Variants in SLC22A23 observed in about 807,000 individuals in gnomAD.
The protein encoded by SLC22A23 is ion transporter protein.
Under a neutral mutation model 61.0 loss-of-function variants are expected in SLC22A23, and 26 were observed. The observed-to-expected ratio is 0.43, with a 90% confidence interval of 0.31 to 0.59. SLC22A23 has a LOEUF of 0.59. Ranked by LOEUF, SLC22A23 falls within the 20% of genes least tolerant of loss-of-function variation. The probability of loss-of-function intolerance (pLI) is 0.11; values close to 1 mark genes in which losing one functional copy is unlikely to be tolerated. For missense variants in SLC22A23, 796 were observed against 934.7 expected, an observed-to-expected ratio of 0.85 and a Z score of 1.94; for synonymous variants, 430 against 413.9, an observed-to-expected ratio of 1.04 and a Z score of -0.47.
At chr6:3,398,044 GA>G (rs1349383073) in intron 3 of SLC22A23, among the ~76,000 whole-genome samples, 1 of 152,210 alleles carries the variant, frequency 6.6e-6, no homozygotes, top group Admixed American at 6.5e-5. Context: ...ATTTACCAAA[GA>G]GGAGAAATCA....
intron 3 of SLC22A23, among the ~76,000 whole-genome samples, chr6:3,339,172 T>C (rs559243346): frequency 1.3e-5 from 2 of 152,330 alleles, no homozygotes; most frequent in South Asian, 4.1e-4. Flanking sequence ...CCAATCAGGA[T>C]TTCGTATCCT....
At position 3,324,104 on chromosome 6, in the gene SLC22A23, T is replaced by C. The variant is rs1219163061; in HGVS notation, c.914-102A>G. 3.5e-6 allele frequency: 5 copies of C among 1,420,080 alleles called. No homozygotes were observed. The Admixed American group carries it at 1.0e-4, about 29-fold the overall frequency. 88.0% of individuals were successfully genotyped at this position (1,420,080 alleles called of 1,614,324 possible). On this transcript the variant is annotated intron_variant, in intron 3 of 9. Transcript: ENST00000406686. This position sits in a 1 kb window ranked among gnomAD's most constrained non-coding sequence, Gnocchi z 4.3. ...GTGCACTGCTTAACCCACCAACGAC[T>C]GAAATTGTTTTCATCTGCTGCCCAC...
At chr6:3,331,061 A>C (rs894974193) in intron 3 of SLC22A23, among the ~76,000 whole-genome samples, 16 of 152,336 alleles carry the variant, frequency 1.1e-4, no homozygotes, top group African/African-American at 3.4e-4. Flanking sequence ...TAATCTGCAC[A>C]ATGACTGTAT....
Position 3,286,917 on chromosome 6 carries a change from C to A in SLC22A23, c.1488G>T (p.Leu496=), listed in dbSNP as rs1329594656. ...VVRFLGRRGG[L]LLFMILTALA... is the part of the protein sequence containing the mutation. ...GGGCGGTGAGGATCATGAAGAGCAG[C>A]AGCCCTCCCCTGCGCCCGAGGAATC... The change falls in exon 7 of 10, where the codon CTG becomes CTT. Residue 496 remains leucine, a synonymous_variant. Transcript: ENST00000406686. The surrounding 1 kb of genome is among the most constrained non-coding windows in gnomAD (Gnocchi z 4.2). 1 of 1,613,364 alleles carries A rather than the reference C, an allele frequency of 6.2e-7. No homozygotes were observed.
rs1197486690 is a variant in SLC22A23 at position 3,387,937 on chromosome 6, G to A, written c.913+22251C>T. 1.3e-5 allele frequency among the ~76,000 whole-genome samples: 2 copies of A among 152,190 alleles called. No homozygotes were observed. The highest frequency in any genetic ancestry group is 6.5e-5 in the Admixed American group (1 of 15,288). ...ACGGCATCTCCTTTCGGTGGAATTCGTGCTGTTCCTGCTGCCTGAAAGAGA... is the reference window on the plus strand; with the variant it reads ...ACGGCATCTCCTTTCGGTGGAATTCATGCTGTTCCTGCTGCCTGAAAGAGA... On this transcript the variant is annotated intron_variant, in intron 3 of 9. Transcript: ENST00000406686. The surrounding 1 kb of genome is among the most constrained non-coding windows in gnomAD (Gnocchi z 5.0).
At chr6:3,444,918 C>A in intron 1 of SLC22A23, 1 of 985,586 alleles carries the variant, frequency 1.0e-6, no homozygotes, top group South Asian at 4.7e-5. Context: ...AGCTCCTCCC[C>A]CCTCAAAGTG....
In SLC22A23 at chr6:3,273,090, C is replaced by T. The variant is rs1441240227; in HGVS notation, c.2026G>A (p.Glu676Lys). The T allele has an allele frequency of 8.8e-6, 14 of 1,588,400 alleles. No homozygotes were observed. In the Admixed American group the frequency reaches 1.4e-4, roughly 15 times the overall value. The change falls in exon 10 of 10, where the codon GAG (glutamate) becomes AAG (lysine). Residue 676 changes from glutamate (E) to lysine (K), a missense_variant. By Grantham distance (56) the Glu-to-Lys change is moderately conservative. Coordinates refer to ENST00000406686, the MANE Select transcript of SLC22A23 (RefSeq NM_015482.2). ...DAAAAGDTLP[E>K]GATANGMKAM ...TTCATGCCGTTGGCCGTGGCACCCT[C>T]GGGCAGTGTGTCACCCGCGGCTGCG...
chr6:3,377,414 A>C (rs1009422139), intron 3 of SLC22A23, among the ~76,000 whole-genome samples: 1 of 152,146 alleles, frequency 6.6e-6, no homozygotes, highest in Admixed American at 6.5e-5. Context: ...GATGAATGCT[A>C]AGAGAGCCCA....
Position 3,437,532 on chromosome 6 carries a change from A to T in SLC22A23, c.654+18374T>A, listed in dbSNP as rs182804534. ...CTCTACTAAAAACAAAAAAAAATTA[A>T]AAAAAAATTAGTCAGGTGTGGTGGC... is the stretch of plus-strand genomic sequence containing the variant. On this transcript the variant is annotated intron_variant, in intron 1 of 9. Transcript: ENST00000406686. Among the ~76,000 whole-genome samples, 32 of 151,036 alleles carry T rather than the reference A, an allele frequency of 2.1e-4. No homozygotes were observed. In the East Asian group the frequency reaches 2.4e-3, roughly 11 times the overall value.
chr6:3,296,207 C>T (rs78907159), intron 5 of SLC22A23, among the ~76,000 whole-genome samples: 2,153 of 152,336 alleles, frequency 0.014, 36 homozygotes, highest in Middle Eastern at 0.041. Flanking sequence ...CCGTCCAAAA[C>T]GAGCAAGCAT....
At chr6:3,306,985 G>C (rs766190527) in intron 4 of SLC22A23, among the ~76,000 whole-genome samples, 7 of 152,226 alleles carry the variant, frequency 4.6e-5, no homozygotes, top group Non-Finnish European at 7.3e-5. Context: ...GTCAGCGTCT[G>C]CAGCGCGGTA....
At chr6:3,279,124 A>G (rs1759179181) in intron 9 of SLC22A23, among the ~76,000 whole-genome samples, 1 of 152,186 alleles carries the variant, frequency 6.6e-6, no homozygotes, top group African/African-American at 2.4e-5. Context: ...ATGTATATAC[A>G]TAATATGCAA....
At position 3,427,731 on chromosome 6, in the gene SLC22A23, GA is replaced by G. The variant is rs879383489; in HGVS notation, c.655-11877del. On this transcript the variant is annotated intron_variant, in intron 1 of 9. Coordinates refer to ENST00000406686, the MANE Select transcript of SLC22A23 (RefSeq NM_015482.2). The surrounding 1 kb of genome is among the most constrained non-coding windows in gnomAD (Gnocchi z 4.3). ...AAATATACTATTTTTCTGACCAAAA[GA>G]AAAAAAAAAGTAGGATGGTTCTCAA... 6.8e-5 allele frequency among the ~76,000 whole-genome samples: 10 copies of G among 147,472 alleles called. No homozygotes were observed. Among genetic ancestry groups the G allele is most frequent in the Middle Eastern group, 7.0e-3 (2 of 284 alleles).
intron 5 of SLC22A23, among the ~76,000 whole-genome samples, chr6:3,296,677 TC>T (rs1457239540): frequency 2.6e-5 from 4 of 152,096 alleles, no homozygotes; most frequent in Non-Finnish European, 5.9e-5. Context: ...CCTTCTTCTG[TC>T]CAGCGAAGCA....
At chr6:3,357,303 AG>A (rs2127443155) in intron 3 of SLC22A23, among the ~76,000 whole-genome samples, 1 of 152,338 alleles carries the variant, frequency 6.6e-6, no homozygotes, top group East Asian at 1.9e-4. Context: ...GCCTCTGTAA[AG>A]TCTTTGCTAA....
Position 3,456,284 on chromosome 6 carries a change from G to T in SLC22A23, c.276C>A (p.Gly92=). Residue 92 remains glycine, a synonymous_variant, in exon 1 of 10, where the codon GGC becomes GGA. Coordinates refer to ENST00000406686, the MANE Select transcript of SLC22A23 (RefSeq NM_015482.2). The surrounding 1 kb of genome is among the most constrained non-coding windows in gnomAD (Gnocchi z 7.1). ...GCACGAGGGTCTTCTGATAGCCCCCGCCCAGGCCCCCGAGGAAGGGCAGCA... is the reference window on the plus strand; with the variant it reads ...GCACGAGGGTCTTCTGATAGCCCCCTCCCAGGCCCCCGAGGAAGGGCAGCA... The part of the protein sequence containing the change: ...GSVLPFLGGL[G]GGYQKTLVLL... The T allele has an allele frequency of 6.4e-7, 1 of 1,551,210 alleles. No individual in the cohort carries two copies. The highest frequency in any genetic ancestry group is 8.7e-7 in the Non-Finnish European group (1 of 1,146,826).
At chr6:3,295,540 G>A (rs757973031) in intron 5 of SLC22A23, among the ~76,000 whole-genome samples, 11 of 152,186 alleles carry the variant, frequency 7.2e-5, no homozygotes, top group Non-Finnish European at 1.0e-4. Context: ...TGGCAGGGAG[G>A]ATGGAACAAA....
In SLC22A23 at chr6:3,329,326, T is replaced by C. The variant is rs898480265; in HGVS notation, c.914-5324A>G. Among the ~76,000 whole-genome samples the C allele has an allele frequency of 1.3e-5, 2 of 152,202 alleles. No individual in the cohort carries two copies. Among genetic ancestry groups the C allele is most frequent in the Non-Finnish European group, 1.5e-5 (1 of 68,042 alleles). On this transcript the variant is annotated intron_variant, in intron 3 of 9. Coordinates refer to ENST00000406686, the MANE Select transcript of SLC22A23 (RefSeq NM_015482.2). This position sits in a 1 kb window ranked among gnomAD's most constrained non-coding sequence, Gnocchi z 4.8. The stretch of plus-strand genomic sequence containing the variant: ...AACACAACACTTATTCTTCCTTAAA[T>C]ACGTTTAAGAAACTCTTGAATGCTT...
chr6:3,439,495 A>G (rs1368552352), intron 1 of SLC22A23: 1 of 261,246 alleles, frequency 3.8e-6, no homozygotes, highest in East Asian at 1.1e-4. Context: ...GACATAATCA[A>G]CTCCAGAGCC....
Sources: allele counts gnomAD v4.1 joint callset (sites outside exome capture counted in the v4.1 genomes callset), GRCh38; gene constraint gnomAD v4.1.1; non-coding constraint Gnocchi (gnomAD v3.1); transcripts MANE v1.5; gene names NCBI Gene and HGNC (gene_info 2026-07-23, HGNC 2026-07-21).